PLXND1: variants seen among roughly 807,000 people sequenced by gnomAD.
The protein encoded by PLXND1 is plexin D1, also known as plexin-D1.
In PLXND1, 54 loss-of-function variants were observed where a neutral mutation model predicts 197.7. That is an observed-to-expected ratio of 0.27 (90% CI 0.22 to 0.34). The LOEUF (loss-of-function observed/expected upper bound fraction) is 0.34. Ranked by LOEUF, PLXND1 falls within the 10% of genes least tolerant of loss-of-function variation. The probability of loss-of-function intolerance (pLI) is 1.00; values close to 1 mark genes in which losing one functional copy is unlikely to be tolerated. For missense variants in PLXND1, 2,127 were observed against 2,699.2 expected, an observed-to-expected ratio of 0.79 and a Z score of 4.70; for synonymous variants, 1,180 against 1,161.2, an observed-to-expected ratio of 1.02 and a Z score of -0.33.
At chr3:129,579,917 T>A (rs2085363322) in intron 8 of PLXND1, among the ~76,000 whole-genome samples, 2 of 152,156 alleles carry the variant, frequency 1.3e-5, no homozygotes, top group Non-Finnish European at 2.9e-5. Context: ...GGGATGCCAA[T>A]GCCAACAACA....
intron 27 of PLXND1, 147 bp from the exon 28 acceptor site, chr3:129,562,050 C>T: frequency 1.6e-6 from 1 of 641,836 alleles, no homozygotes; most frequent in East Asian, 2.7e-5. Context: ...TCCATTTTCC[C>T]ATCTGTAAAA....
At position 129,574,426 on chromosome 3, in the gene PLXND1, C is replaced by G. The variant is rs758624404; in HGVS notation, c.2595G>C (p.Leu865=). ...DCSQCLGRED[L]GHLCMWSDGC... ...CATCACTCCACATGCACAGGTGACC[C>G]AGGTCTTCGCGGCCCAGGCACTGGG... is the stretch of plus-strand genomic sequence containing the variant. The change falls in exon 12 of 36, where the codon CTG becomes CTC. Residue 865 remains leucine, a synonymous_variant. Coordinates refer to ENST00000324093, the MANE Select transcript of PLXND1 (RefSeq NM_015103.3). 3.7e-6 allele frequency: 6 copies of G among 1,613,124 alleles called. No individual in the cohort carries two copies. Among genetic ancestry groups the G allele is most frequent in the Non-Finnish European group, 4.2e-6 (5 of 1,179,942 alleles).
intron 30 of PLXND1, 93 bp downstream of exon 30, chr3:129,560,596 G>A: frequency 9.3e-7 from 1 of 1,078,352 alleles, no homozygotes; most frequent in Middle Eastern, 2.3e-4. Context: ...CGCAGGGCTG[G>A]GAGCACTTTT....
chr3:129,589,307 G>GCCGGGGCCCCCCCCCCCCCCCCCCC, intron 2 of PLXND1, 44 bp downstream of exon 2: 1 of 684,690 alleles, frequency 1.5e-6, no homozygotes, highest in African/African-American at 1.8e-5. Context: ...TCCCAGGGGA[G>GCCGGGGCCCCCCCCCCCCCCCCCCC]CCTCCCACCC....
At chr3:129,570,645 T>C (rs1004304232) in intron 19 of PLXND1, 141 bp downstream of exon 19, 30 of 801,186 alleles carry the variant, frequency 3.7e-5, no homozygotes, top group Non-Finnish European at 6.1e-5. Flanking sequence ...CAAGTGGGGA[T>C]GTAAAGCTCT....
intron 1 of PLXND1, among the ~76,000 whole-genome samples, chr3:129,594,788 C>T (rs57874542): frequency 0.012 from 1,889 of 151,940 alleles, 27 homozygotes; most frequent in African/African-American, 0.043. Context: ...AACTAGGGGA[C>T]GGGTATACAG....
At chr3:129,596,076 C>T (rs970273879) in intron 1 of PLXND1, among the ~76,000 whole-genome samples, 2 of 152,170 alleles carry the variant, frequency 1.3e-5, no homozygotes, top group Admixed American at 1.3e-4. Flanking sequence ...TAAAATAAGA[C>T]AGCAATAGCA....
At chr3:129,568,590 C>T (rs1318428579) in intron 20 of PLXND1, among the ~76,000 whole-genome samples, 2 of 152,062 alleles carry the variant, frequency 1.3e-5, no homozygotes, top group Non-Finnish European at 2.9e-5. Context: ...ACTCTGGCAC[C>T]CAGGCTGAAG....
At chr3:129,570,023 T>C in intron 19 of PLXND1, 66 bp from the exon 20 acceptor site, 1 of 904,376 alleles carries the variant, frequency 1.1e-6, no homozygotes, top group Non-Finnish European at 1.8e-6. Flanking sequence ...TGCTCCTCAC[T>C]TGCTGTGTGG....
chr3:129,587,331 C>T (rs570448023), intron 2 of PLXND1, among the ~76,000 whole-genome samples: 16 of 152,352 alleles, frequency 1.1e-4, no homozygotes, highest in African/African-American at 3.6e-4. Flanking sequence ...CCAGGCCTGC[C>T]TGACCCCACA....
At chr3:129,575,442 C>A (rs2085298178) in intron 11 of PLXND1, 27 bp downstream of exon 11, 1 of 1,433,290 alleles carries the variant, frequency 7.0e-7, no homozygotes, top group East Asian at 2.5e-5. Context: ...GGCCCCGAGG[C>A]CATGTGGGGC....
At chr3:129,586,377 G>A (rs1300837015) in intron 3 of PLXND1, 105 bp from the exon 4 acceptor site, 1 of 1,051,492 alleles carries the variant, frequency 9.5e-7, no homozygotes, top group African/African-American at 1.6e-5. Flanking sequence ...GGGAAACTGA[G>A]GGTCAACACT....
At chr3:129,588,098 G>C (rs942745150) in intron 2 of PLXND1, among the ~76,000 whole-genome samples, 2 of 152,242 alleles carry the variant, frequency 1.3e-5, no homozygotes, top group African/African-American at 4.8e-5. Context: ...AGCAGGGCAG[G>C]GTTGGCTGGA....
In PLXND1 at chr3:129,556,318, C is replaced by T; in HGVS notation, c.5772G>A (p.Glu1924=). 3.7e-6 allele frequency: 6 copies of T among 1,605,440 alleles called. No homozygotes were observed. Among genetic ancestry groups the T allele is most frequent in the Non-Finnish European group, 5.1e-6 (6 of 1,172,000 alleles). The change falls in exon 36 of 36, where the codon GAG becomes GAA. Residue 1924 remains glutamate (E), a synonymous_variant. Transcript: ENST00000324093. ...GACCAACTCTCCATGTGTCTCAGGC[C>T]TCACTGTAGCACTCGTAGATGTTGT... ...MEDNIYECYS[E]A
At chr3:129,580,281 C>T (rs1044268213) in intron 8 of PLXND1, among the ~76,000 whole-genome samples, 13 of 152,166 alleles carry the variant, frequency 8.5e-5, no homozygotes, top group Admixed American at 2.6e-4. Flanking sequence ...GCTGCTGGCT[C>T]CCTGTGCCAG....
rs536647282 is a variant in PLXND1 at position 129,586,794 on chromosome 3, G to A, written c.1489-75C>T. On this transcript the variant is annotated intron_variant, in intron 2 of 35. Coordinates refer to ENST00000324093, the MANE Select transcript of PLXND1 (RefSeq NM_015103.3). ...CAAACCCAGGGGACAACCTGAGCCC[G>A]GGTCTGGGGGCTCTGCCTCCCCATC... is the stretch of plus-strand genomic sequence containing the variant. 1.0e-4 allele frequency: 156 copies of A among 1,516,194 alleles called. No homozygotes were observed. In the African/African-American group the frequency reaches 1.6e-3, roughly 16 times the overall value. The allele number at this position is 1,516,194 out of a possible 1,614,324, so 93.9% of individuals were successfully genotyped here. A position where few individuals can be genotyped will look rare whatever the true frequency, so the allele number is the denominator to read the frequency against.
At chr3:129,599,005 G>C (rs955423444) in intron 1 of PLXND1, among the ~76,000 whole-genome samples, 2 of 152,216 alleles carry the variant, frequency 1.3e-5, no homozygotes, top group Non-Finnish European at 2.9e-5. Flanking sequence ...TGACATGATG[G>C]GGCAGTTCTG....
Position 129,573,673 on chromosome 3 carries a change from G to T in PLXND1, c.2758C>A (p.Leu920Ile). Residue 920 changes from leucine to isoleucine, a missense_variant, in exon 13 of 36, where the codon CTC (leucine) becomes ATC (isoleucine). Leu to Ile is a conservative substitution (Grantham distance 5). Coordinates refer to ENST00000324093, the MANE Select transcript of PLXND1 (RefSeq NM_015103.3). ...TIRGRNLGRR[L>I]SDVAHGVWIG... ...CACACGCCGTGGGCCACGTCACTGA[G>T]CCGCCGGCCCAGGTTCCTTCCTCGG... 1 of 1,613,670 alleles carries T rather than the reference G, an allele frequency of 6.2e-7. No homozygotes were observed. Among genetic ancestry groups the T allele is most frequent in the South Asian group, 1.1e-5 (1 of 91,068 alleles).
chr3:129,581,950 C>T (rs1393016003), intron 8 of PLXND1, among the ~76,000 whole-genome samples: 1 of 152,220 alleles, frequency 6.6e-6, no homozygotes, highest in African/African-American at 2.4e-5. Flanking sequence ...GGGCTGGGAG[C>T]TGGAAGGAAG....
Sources: allele counts gnomAD v4.1 joint callset (sites outside exome capture counted in the v4.1 genomes callset), GRCh38; gene constraint gnomAD v4.1.1; transcripts MANE v1.5; gene names NCBI Gene and HGNC (gene_info 2026-07-23, HGNC 2026-07-21).